The following SLC35F2 variants were observed in gnomAD, a reference collection of about 807,000 sequenced individuals.
SLC35F2 encodes queuine/queuosine transporter SLC35F2.
Under a neutral mutation model 38.1 loss-of-function variants are expected in SLC35F2, and 25 were observed. The ratio of observed to expected loss-of-function variants is 0.66; its 90% confidence interval spans 0.48 to 0.92. SLC35F2 has a LOEUF of 0.92. Ranked by LOEUF, SLC35F2 falls within the 40% of genes least tolerant of loss-of-function variation. The pLI, the probability that SLC35F2 is intolerant of heterozygous loss-of-function variation, is 0.00. For synonymous variants in SLC35F2, 173 were observed against 181.7 expected (o/e 0.95, Z 0.38); for missense variants, 409 against 452.9 (o/e 0.90, Z 0.88).
chr11:107,803,287 A>G (rs1859342707), intron 6 of SLC35F2, 132 bp from the exon 7 acceptor site: 1 of 1,313,374 alleles, frequency 7.6e-7, no homozygotes, highest in Admixed American at 3.8e-5. Context: ...GTTAACAGTC[A>G]GCATTGAAAA....
At chr11:107,855,091 G>A (rs1397121502) in intron 1 of SLC35F2, among the ~76,000 whole-genome samples, 2 of 152,134 alleles carry the variant, frequency 1.3e-5, no homozygotes, top group Non-Finnish European at 2.9e-5. Context: ...AAGAGAAACT[G>A]CAATCCAAAA....
chr11:107,817,983 G>C (rs1248757362), intron 1 of SLC35F2, among the ~76,000 whole-genome samples: 1 of 150,702 alleles, frequency 6.6e-6, no homozygotes, highest in Admixed American at 6.6e-5. Flanking sequence ...CTTGAACCCG[G>C]GAGGCGGAGT....
chr11:107,827,040 ATACATATAC>A (rs1186819517), intron 1 of SLC35F2, among the ~76,000 whole-genome samples: 1 of 152,182 alleles, frequency 6.6e-6, no homozygotes, highest in Non-Finnish European at 1.5e-5. Flanking sequence ...TCGTATATAC[ATACATATAC>A]AATATGAATA....
At chr11:107,795,191 T>C (rs1165609281) in intron 7 of SLC35F2, among the ~76,000 whole-genome samples, 1 of 151,904 alleles carries the variant, frequency 6.6e-6, no homozygotes, top group Non-Finnish European at 1.5e-5. Flanking sequence ...GAAAACACAA[T>C]CCTAAAATTC....
intron 1 of SLC35F2, among the ~76,000 whole-genome samples, chr11:107,853,627 G>A (rs1397619581): frequency 1.3e-5 from 2 of 151,220 alleles, no homozygotes; most frequent in Non-Finnish European, 2.9e-5. Flanking sequence ...GGCTGAGGCA[G>A]GAGAATGGCG....
chr11:107,816,227 T>C, intron 1 of SLC35F2: 1 of 985,306 alleles, frequency 1.0e-6, no homozygotes, highest in Non-Finnish European at 1.2e-6. Context: ...AGAGATCATT[T>C]TGATTACTCA....
rs201128618 is a variant in SLC35F2 at position 107,792,656 on chromosome 11, G to T, written c.1084C>A (p.Leu362Met). 34 of 1,613,556 alleles carry T rather than the reference G, an allele frequency of 2.1e-5. No homozygotes were observed. Among genetic ancestry groups the T allele is most frequent in the Non-Finnish European group, 2.7e-5 (32 of 1,179,908 alleles). ...TGGGTCTCCTGGAGGTTCTCCTCCA[G>T]CTTCAGCCCCAGGTTGTCAATCCCA... ...SIGIDNLGLK[L>M]EENLQETHSA... The change falls in exon 8 of 8, where the codon CTG (leucine) becomes ATG (methionine). Residue 362 changes from leucine (L) to methionine (M), a missense_variant. Physicochemically the swap from Leu to Met is conservative, Grantham distance 15. Transcript: ENST00000525815.
chr11:107,832,040 A>AT (rs149644022), intron 1 of SLC35F2, among the ~76,000 whole-genome samples: 122 of 150,792 alleles, frequency 8.1e-4, no homozygotes, highest in African/African-American at 2.1e-3. Flanking sequence ...TTGGCAAAAT[A>AT]TTTTTTTTTT....
chr11:107,842,388 T>C (rs1860026985), intron 1 of SLC35F2, among the ~76,000 whole-genome samples: 1 of 151,550 alleles, frequency 6.6e-6, no homozygotes, highest in Non-Finnish European at 1.5e-5. Context: ...AGAGTCTCAC[T>C]CTGTTGCCAG....
intron 1 of SLC35F2, among the ~76,000 whole-genome samples, chr11:107,845,573 T>G (rs1168187985): frequency 6.6e-6 from 1 of 152,068 alleles, no homozygotes; most frequent in Non-Finnish European, 1.5e-5. Context: ...TGGATTTACC[T>G]GTGGTTTTTC....
At chr11:107,808,187 G>A (rs902991540) in intron 3 of SLC35F2, among the ~76,000 whole-genome samples, 6 of 152,148 alleles carry the variant, frequency 3.9e-5, no homozygotes, top group Admixed American at 3.9e-4. Flanking sequence ...AGACACACTC[G>A]TGCTCATGGC....
In SLC35F2 at chr11:107,858,750, T is replaced by G. The variant is rs373270254; in HGVS notation, c.18A>C (p.Pro6=). Residue 6 remains proline (P), a synonymous_variant, in exon 1 of 8, where the codon CCA becomes CCC. Coordinates refer to ENST00000525815, the MANE Select transcript of SLC35F2 (RefSeq NM_017515.5). The part of the protein sequence containing the change: MEADS[P]AGPGAPEPLA... ...GGGGCTCTGGGGCGCCGGGGCCCGC[T>G]GGCGAGTCTGCCTCCATCGGCGCCC... 199 of 1,272,810 alleles carry G rather than the reference T, an allele frequency of 1.6e-4. No individual in the cohort carries two copies. Among genetic ancestry groups the G allele is most frequent in the Non-Finnish European group, 1.9e-4 (193 of 1,001,444 alleles). The allele number at this position is 1,272,810 out of a possible 1,614,324, so 78.8% of individuals were successfully genotyped here. A position where few individuals can be genotyped will look rare whatever the true frequency, so the allele number is the denominator to read the frequency against.
At chr11:107,833,518 C>CAAA (rs34376803) in intron 1 of SLC35F2, among the ~76,000 whole-genome samples, 70 of 89,510 alleles carry the variant, frequency 7.8e-4, no homozygotes, top group African/African-American at 2.9e-3. Context: ...GACTCTGTCT[C>CAAA]AAAAAAAAAA....
chr11:107,835,549 G>T (rs1859918346), intron 1 of SLC35F2, among the ~76,000 whole-genome samples: 1 of 151,780 alleles, frequency 6.6e-6, no homozygotes, highest in Non-Finnish European at 1.5e-5. Flanking sequence ...TCCCACCTCA[G>T]CCCCCAAGTA....
chr11:107,827,546 C>T (rs531689812), intron 1 of SLC35F2, among the ~76,000 whole-genome samples: 24 of 152,120 alleles, frequency 1.6e-4, no homozygotes, highest in African/African-American at 3.9e-4. Flanking sequence ...CTCAGGAGTT[C>T]GAGACCAGCC....
chr11:107,857,963 G>C (rs1311663322), intron 1 of SLC35F2, among the ~76,000 whole-genome samples: 1 of 152,162 alleles, frequency 6.6e-6, no homozygotes, highest in South Asian at 2.1e-4. Context: ...TTTAGGTCCT[G>C]GGTTCTCTCA....
At chr11:107,815,487 G>A (rs1242916684) in intron 2 of SLC35F2, among the ~76,000 whole-genome samples, 1 of 151,806 alleles carries the variant, frequency 6.6e-6, no homozygotes, top group African/African-American at 2.4e-5. Flanking sequence ...GAGCCTGGGA[G>A]GTCAAGGCTG....
At chr11:107,838,627 C>A in intron 1 of SLC35F2, among the ~76,000 whole-genome samples, 1 of 108,666 alleles carries the variant, frequency 9.2e-6, no homozygotes, top group East Asian at 2.9e-4. Context: ...GCCCGGCCCT[C>A]TTTTTTTTTT....
intron 1 of SLC35F2, among the ~76,000 whole-genome samples, chr11:107,823,555 C>T (rs537074364): frequency 2.3e-4 from 35 of 152,264 alleles, no homozygotes; most frequent in African/African-American, 6.5e-4. Context: ...GCCAAGTTCT[C>T]GCACTCTGCA....
Sources: gnomAD v4.1 joint callset for allele counts (sites outside exome capture counted in the v4.1 genomes callset) on GRCh38, gnomAD v4.1.1 for gene constraint, MANE v1.5 for transcripts, NCBI Gene and HGNC (gene_info 2026-07-23, HGNC 2026-07-21) for gene names.